Variants in TMEM132D observed in about 807,000 individuals in gnomAD.
TMEM132D encodes the protein transmembrane protein 132D, also known as mature OL transmembrane protein.
In TMEM132D, 21 loss-of-function variants were observed where a neutral mutation model predicts 62.3. The observed-to-expected ratio is 0.34, with a 90% CI of 0.24 to 0.49. The LOEUF (loss-of-function observed/expected upper bound fraction) is 0.49. TMEM132D is among the 20% of genes least tolerant of loss of function. The pLI is 0.99. For synonymous variants in TMEM132D, 621 were observed against 575.6 expected (o/e 1.08, Z -1.13); for missense variants, 1,346 against 1,402.8 (o/e 0.96, Z 0.65).
intron 3 of TMEM132D, among the ~76,000 whole-genome samples, chr12:129,392,608 G>A (rs966140646): frequency 1.3e-5 from 2 of 152,206 alleles, no homozygotes; most frequent in Non-Finnish European, 2.9e-5. Flanking sequence ...TGGCGGCTGT[G>A]TTGCTAGGAA....
chr12:129,409,428 C>T (rs3916142), intron 3 of TMEM132D, among the ~76,000 whole-genome samples: 72,564 of 152,072 alleles, frequency 0.48, 18,311 homozygotes, highest in South Asian at 0.61. Flanking sequence ...AAGCCTCTGA[C>T]GCACTTCTGG....
chr12:129,887,020 C>G (rs1874770508), intron 1 of TMEM132D, among the ~76,000 whole-genome samples: 1 of 152,200 alleles, frequency 6.6e-6, no homozygotes, highest in Admixed American at 6.5e-5. Flanking sequence ...TTATAAATTA[C>G]CCAGTCTCGG....
At chr12:129,273,888 T>G (rs1410553824) in intron 4 of TMEM132D, among the ~76,000 whole-genome samples, 1 of 151,106 alleles carries the variant, frequency 6.6e-6, no homozygotes, top group Non-Finnish European at 1.5e-5. Context: ...CACCTGCACA[T>G]GTACCCGCTG....
intron 4 of TMEM132D, among the ~76,000 whole-genome samples, chr12:129,224,517 A>G (rs1320802367): frequency 6.6e-6 from 1 of 152,258 alleles, no homozygotes; most frequent in Non-Finnish European, 1.5e-5. Flanking sequence ...TTGTGCAACC[A>G]GAGCTGGCTT....
At chr12:129,274,175 A>T (rs990792977) in intron 4 of TMEM132D, among the ~76,000 whole-genome samples, 1 of 151,808 alleles carries the variant, frequency 6.6e-6, no homozygotes, top group Admixed American at 6.6e-5. Flanking sequence ...GAACTGGGAG[A>T]GTCTCTGTTC....
intron 3 of TMEM132D, among the ~76,000 whole-genome samples, chr12:129,495,401 C>T (rs528508558): frequency 3.3e-5 from 5 of 152,256 alleles, no homozygotes; most frequent in Admixed American, 2.0e-4. Context: ...AGGGGGAGAT[C>T]GGTCCTCAAG....
rs534874735 is a variant in TMEM132D at position 129,895,696 on chromosome 12, A to G, written c.79+7565T>C. On this transcript the variant is annotated intron_variant, in intron 1 of 8. Transcript: ENST00000422113. ...AGTGTCTTCATTTGTGGCTCTCCCA[A>G]TATATTCACGAAGTCAATCTAGAAT... is the stretch of plus-strand genomic sequence containing the variant. Among the ~76,000 whole-genome samples the G allele has an allele frequency of 4.6e-5, 7 of 152,272 alleles. No homozygotes were observed. In the South Asian group the frequency reaches 1.4e-3, roughly 32 times the overall value.
chr12:129,396,210 C>T (rs1871425510), intron 3 of TMEM132D, among the ~76,000 whole-genome samples: 1 of 151,956 alleles, frequency 6.6e-6, no homozygotes, highest in Admixed American at 6.6e-5. Context: ...ACGTAAAGGA[C>T]ACACATTAAA....
rs1276803532 is a variant in TMEM132D, at chr12:129,818,314, T to C, written c.79+84947A>G. Among the ~76,000 whole-genome samples the C allele has an allele frequency of 2.0e-5, 3 of 148,796 alleles. No individual in the cohort carries two copies. In the East Asian group the frequency reaches 6.0e-4, roughly 30 times the overall value. The stretch of plus-strand genomic sequence containing the variant: ...GGGGTGTGTGTGATGTGTGTGTGTC[T>C]ATGTCTGTGTATCTATGTGTATCTG... On this transcript the variant is annotated intron_variant, in intron 1 of 8. Coordinates refer to ENST00000422113, the MANE Select transcript of TMEM132D (RefSeq NM_133448.3).
chr12:129,517,996 A>C (rs1875732706), intron 3 of TMEM132D, among the ~76,000 whole-genome samples: 2 of 152,204 alleles, frequency 1.3e-5, no homozygotes, highest in South Asian at 4.1e-4. Flanking sequence ...TTTACCTGGC[A>C]AAAAGATAGT....
At chr12:129,805,241 C>T (rs1326431515) in intron 1 of TMEM132D, among the ~76,000 whole-genome samples, 1 of 152,032 alleles carries the variant, frequency 6.6e-6, no homozygotes. Flanking sequence ...CAAGTCAATC[C>T]TAAGCCAAAA....
intron 2 of TMEM132D, among the ~76,000 whole-genome samples, chr12:129,585,003 T>C (rs748971454): frequency 3.3e-5 from 5 of 152,154 alleles, no homozygotes; most frequent in African/African-American, 4.8e-5. Flanking sequence ...GTTTCCTCGA[T>C]TGCAAAATGA....
In TMEM132D at chr12:129,699,928, G is replaced by A. The variant is rs755951672; in HGVS notation, c.850C>T (p.Leu284=). 1 of 1,614,170 alleles carries A rather than the reference G, an allele frequency of 6.2e-7. No homozygotes were observed. The highest frequency in any genetic ancestry group is 1.3e-5 in the African/African-American group (1 of 75,048). ...QTHRKPSLRE[L]RLDNSVAIHY... The stretch of plus-strand genomic sequence containing the variant: ...ATGGCCACGCTGTTGTCCAGACGCA[G>A]TTCTCTCAGGGAGGGTTTCCTGTGT... Residue 284 remains leucine, a synonymous_variant, in exon 2 of 9, where the codon CTG becomes TTG. Transcript: ENST00000422113.
intron 4 of TMEM132D, among the ~76,000 whole-genome samples, chr12:129,251,288 G>A (rs1032346273): frequency 7.0e-6 from 1 of 143,824 alleles, no homozygotes; most frequent in South Asian, 2.2e-4. Context: ...GAATCCAAGA[G>A]GCAGAAGTTG....
At chr12:129,718,721 C>T (rs1164337229) in intron 1 of TMEM132D, among the ~76,000 whole-genome samples, 1 of 152,270 alleles carries the variant, frequency 6.6e-6, no homozygotes, top group South Asian at 2.1e-4. Flanking sequence ...CCCAGCAGAG[C>T]CATTTGCCGG....
intron 1 of TMEM132D, among the ~76,000 whole-genome samples, chr12:129,849,452 CT>C (rs1306280075): frequency 6.6e-6 from 1 of 152,180 alleles, no homozygotes; most frequent in Non-Finnish European, 1.5e-5. Flanking sequence ...TTTGCTCTGA[CT>C]TTACAAAAAT....
intron 1 of TMEM132D, among the ~76,000 whole-genome samples, chr12:129,845,991 C>T (rs1252397138): frequency 4.6e-5 from 7 of 152,160 alleles, no homozygotes; most frequent in Non-Finnish European, 1.0e-4. Context: ...GTCATTGGGT[C>T]GTTGCCATGG....
At chr12:129,414,701 A>T (rs967234814) in intron 3 of TMEM132D, among the ~76,000 whole-genome samples, 10 of 152,198 alleles carry the variant, frequency 6.6e-5, no homozygotes, top group African/African-American at 2.4e-5. Flanking sequence ...TAATTTTACA[A>T]TACATGACTA....
chr12:129,323,532 T>C (rs770254209), intron 4 of TMEM132D, among the ~76,000 whole-genome samples: 6 of 152,226 alleles, frequency 3.9e-5, no homozygotes, highest in Non-Finnish European at 5.9e-5. Context: ...GAAAATGTGA[T>C]TAGAGGTAGC....
Sources: gnomAD v4.1 joint callset for allele counts (sites outside exome capture counted in the v4.1 genomes callset) on GRCh38, gnomAD v4.1.1 for gene constraint, MANE v1.5 for transcripts, NCBI Gene and HGNC (gene_info 2026-07-23, HGNC 2026-07-21) for gene names.